Variants in BSN observed in about 807,000 individuals in gnomAD.
BSN encodes the protein bassoon presynaptic cytomatrix protein.
BSN carries 57 observed loss-of-function variants against 264.8 expected under a neutral mutation model. The observed-to-expected ratio is 0.22, with a 90% CI of 0.17 to 0.27. The LOEUF is 0.27. Ranked by LOEUF, BSN falls within the 10% of genes least tolerant of loss-of-function variation. The pLI is 1.00. For synonymous variants in BSN, 2,059 were observed against 2,137.3 expected, an observed-to-expected ratio of 0.96 and a Z score of 1.01; for missense variants, 4,615 against 5,232.5, an observed-to-expected ratio of 0.88 and a Z score of 3.64.
intron 11 of BSN, among the ~76,000 whole-genome samples, chr3:49,666,156 C>T (rs893474150): frequency 5.9e-5 from 9 of 152,252 alleles, no homozygotes; most frequent in South Asian, 2.1e-4. Flanking sequence ...GTGCTTCTCA[C>T]GGTGCACAAG....
rs1255930849 is a variant in BSN, at chr3:49,663,636, C to T, written c.11478C>T (p.Ser3826=). 1.2e-6 allele frequency: 2 copies of T among 1,607,936 alleles called. No individual in the cohort carries two copies. Among genetic ancestry groups the T allele is most frequent in the African/African-American group, 2.7e-5 (2 of 74,970 alleles). ...CAGGGAAGCCTCAGCCAGGCCCCAG[C>T]ACAGCCACAGGTCCTCAACCAGCAG... ...QPAGKPQPGP[S]TATGPQPAGP... The change falls in exon 7 of 12, where the codon AGC becomes AGT. Residue 3826 remains serine, a synonymous_variant. Transcript: ENST00000296452.
rs1188284084 is a variant in BSN, at chr3:49,652,949, C to T, written c.3393C>T (p.Ser1131=). The change falls in exon 5 of 12, where the codon TCC becomes TCT. Residue 1131 remains serine (S), a synonymous_variant. Transcript: ENST00000296452. The part of the protein sequence containing the change: ...SSCSEYSPSP[S]LDSEAEALDG... ...GCTCTGAGTACTCACCCTCACCCTCCCTTGACTCTGAGGCTGAGGCCTTGG... is the reference window on the plus strand; with the variant it reads ...GCTCTGAGTACTCACCCTCACCCTCTCTTGACTCTGAGGCTGAGGCCTTGG... 2 of 1,611,494 alleles carry T rather than the reference C, an allele frequency of 1.2e-6. No homozygotes were observed. Among genetic ancestry groups the T allele is most frequent in the Non-Finnish European group, 8.5e-7 (1 of 1,178,764 alleles).
rs2052583431 is a variant in BSN, at chr3:49,654,947, C to T, written c.5391C>T (p.Ala1797=). The T allele has an allele frequency of 1.2e-6, 2 of 1,611,672 alleles. No homozygotes were observed. The highest frequency in any genetic ancestry group is 2.7e-5 in the African/African-American group (2 of 75,010). Residue 1797 remains alanine (A), a synonymous_variant, in exon 5 of 12, where the codon GCC becomes GCT. Coordinates refer to ENST00000296452, the MANE Select transcript of BSN (RefSeq NM_003458.4). The surrounding 1 kb of genome is among the most constrained non-coding windows in gnomAD (Gnocchi z 4.1). ...RSGPRGRPRE[A]KFARYNLPNQ... Reference sequence around the variant, plus strand: ...GGCCCCGGGGAAGACCCAGGGAGGCCAAGTTTGCCAGATATAACCTACCCA... The same window carrying T: ...GGCCCCGGGGAAGACCCAGGGAGGCTAAGTTTGCCAGATATAACCTACCCA...
chr3:49,592,821 T>C (rs1050264284), intron 1 of BSN, among the ~76,000 whole-genome samples: 3 of 152,146 alleles, frequency 2.0e-5, no homozygotes, highest in African/African-American at 7.2e-5. Context: ...AGTGGTAATG[T>C]TTAGCAAAAT....
At position 49,642,629 on chromosome 3, in the gene BSN, T is replaced by A. The variant is rs964593585; in HGVS notation, c.995T>A (p.Val332Glu). Residue 332 changes from valine (V) to glutamate (E), a missense_variant, in exon 3 of 12, where the codon GTG becomes GAG. Val to Glu is a moderately radical substitution (Grantham distance 121, BLOSUM62 -2). Around this residue, in one of 3 missense-constraint regions of BSN, gnomAD observed 1,197 missense variants for 1,348.0 expected, o/e 0.89. Coordinates refer to ENST00000296452, the MANE Select transcript of BSN (RefSeq NM_003458.4). This position sits in a 1 kb window ranked among gnomAD's most constrained non-coding sequence, Gnocchi z 7.0. The part of the protein sequence containing the change: ...GEAPAKSATA[V>E]PAGLGATEQT... ...GCCCCGGCCAAAAGTGCCACCGCAG[T>A]GCCCGCTGGGCTTGGTGCCACTGAG... 6.2e-7 allele frequency: 1 copy of A among 1,602,488 alleles called. No homozygotes were observed. The highest frequency in any genetic ancestry group is 1.3e-5 in the African/African-American group (1 of 74,672).
chr3:49,662,413 C>T lies in BSN; in HGVS notation c.10568C>T (p.Pro3523Leu). The T allele has an allele frequency of 1.9e-6, 3 of 1,613,558 alleles. No individual in the cohort carries two copies. The highest frequency in any genetic ancestry group is 2.5e-6 in the Non-Finnish European group (3 of 1,180,022). ...CGCCCTGCCGGAGGGCCCCTCCCTC[C>T]CGGCGGGGATACCTGCCCACAGTTC... is the stretch of plus-strand genomic sequence containing the variant. ...RPRPAGGPLP[P>L]GGDTCPQFCS... The change falls in exon 6 of 12, where the codon CCC becomes CTC. Residue 3523 changes from proline to leucine, a missense_variant. Physicochemically the swap from Pro to Leu is moderately conservative, Grantham distance 98. This residue lies in a region of BSN where 3,415 missense variants were observed against 3,866.4 expected (regional missense o/e 0.88). Coordinates refer to ENST00000296452, the MANE Select transcript of BSN (RefSeq NM_003458.4).
intron 3 of BSN, among the ~76,000 whole-genome samples, chr3:49,650,258 CG>C (rs2052530166): frequency 6.6e-6 from 1 of 152,196 alleles, no homozygotes; most frequent in African/African-American, 2.4e-5. Flanking sequence ...CACTAGGAGC[CG>C]TTTGCTCCCT....
At chr3:49,572,006 G>A (rs144954806) in intron 1 of BSN, among the ~76,000 whole-genome samples, 30 of 152,276 alleles carry the variant, frequency 2.0e-4, no homozygotes, top group African/African-American at 6.3e-4. Flanking sequence ...TTTAGCCCCT[G>A]CTGTGTATCA....
At chr3:49,628,367 A>G (rs982392687) in intron 2 of BSN, among the ~76,000 whole-genome samples, 1 of 152,174 alleles carries the variant, frequency 6.6e-6, no homozygotes, top group African/African-American at 2.4e-5. Flanking sequence ...GTTTTTGTGT[A>G]TGATGGCATC....
intron 1 of BSN, among the ~76,000 whole-genome samples, chr3:49,590,129 C>G (rs959631703): frequency 1.3e-5 from 2 of 152,170 alleles, no homozygotes; most frequent in African/African-American, 4.8e-5. Context: ...AACCACCACG[C>G]CCCGCCAAAT....
At position 49,661,248 on chromosome 3, in the gene BSN, C is replaced by A. The variant is rs201622600; in HGVS notation, c.9403C>A (p.Pro3135Thr). The A allele has an allele frequency of 4.1e-4, 663 of 1,613,748 alleles. No individual in the cohort carries two copies. The highest frequency in any genetic ancestry group is 4.6e-4 in the Non-Finnish European group (546 of 1,180,044). The change falls in exon 6 of 12, where the codon CCC becomes ACC. Residue 3135 changes from proline (P) to threonine (T), a missense_variant. This residue lies in a region of BSN where 3,415 missense variants were observed against 3,866.4 expected (regional missense o/e 0.88). Transcript: ENST00000296452. The part of the protein sequence containing the change: ...PTTQSTLFPV[P>T]ADSRAPLQKP... ...CACACAGAGCACCCTTTTTCCAGTCCCCGCTGATAGCCGTGCCCCACTGCA... is the reference window on the plus strand; with the variant it reads ...CACACAGAGCACCCTTTTTCCAGTCACCGCTGATAGCCGTGCCCCACTGCA...
At chr3:49,606,476 T>C (rs1382908652) in intron 1 of BSN, among the ~76,000 whole-genome samples, 2 of 150,548 alleles carry the variant, frequency 1.3e-5, no homozygotes, top group African/African-American at 4.9e-5. Flanking sequence ...CTATTTGTCT[T>C]CTTGATCTTT....
Position 49,663,870 on chromosome 3 carries a change from A to AGGACCT in BSN, c.11600_11605dup (p.Gly3867_Pro3868dup). The AGGACCT allele has an allele frequency of 6.2e-7, 1 of 1,613,954 alleles. No homozygotes were observed. On this transcript the variant is annotated inframe_insertion, in exon 8 of 12. Coordinates refer to ENST00000296452, the MANE Select transcript of BSN (RefSeq NM_003458.4). The stretch of plus-strand genomic sequence containing the variant: ...GGGCTCCTCAGGCCCAGCCAGCACC[A>AGGACCT]GGACCTGGACCTGCAGGTGAGCCTA...
chr3:49,653,574 G>A lies in BSN; in HGVS notation c.4018G>A (p.Val1340Ile). 1 of 1,613,800 alleles carries A rather than the reference G, an allele frequency of 6.2e-7. No individual in the cohort carries two copies. Among genetic ancestry groups the A allele is most frequent in the Non-Finnish European group, 8.5e-7 (1 of 1,179,992 alleles). ...DSSGGRVIPD[V>I]RVTQHFAKET... is the part of the protein sequence containing the mutation. ...CAGCGGGGGCCGAGTTATTCCCGAT[G>A]TCCGTGTCACTCAGCATTTTGCAAA... is the stretch of plus-strand genomic sequence containing the variant. Residue 1340 changes from valine to isoleucine, a missense_variant, in exon 5 of 12, where the codon GTC becomes ATC. Around this residue, in one of 3 missense-constraint regions of BSN, gnomAD observed 3,415 missense variants for 3,866.4 expected, o/e 0.88. Coordinates refer to ENST00000296452, the MANE Select transcript of BSN (RefSeq NM_003458.4). The surrounding 1 kb of genome is among the most constrained non-coding windows in gnomAD (Gnocchi z 6.3).
intron 1 of BSN, among the ~76,000 whole-genome samples, chr3:49,567,191 T>C (rs2051758853): frequency 6.6e-6 from 1 of 152,216 alleles, no homozygotes; most frequent in African/African-American, 2.4e-5. Context: ...TTCCTTCTGG[T>C]TCCCTTTGCC....
At chr3:49,586,030 A>G (rs1272057820) in intron 1 of BSN, among the ~76,000 whole-genome samples, 3 of 151,974 alleles carry the variant, frequency 2.0e-5, no homozygotes, top group African/African-American at 7.3e-5. Context: ...GTTTGTACAT[A>G]TTTTATTCCA....
At chr3:49,603,794 C>T (rs2052090175) in intron 1 of BSN, among the ~76,000 whole-genome samples, 1 of 152,134 alleles carries the variant, frequency 6.6e-6, no homozygotes, top group South Asian at 2.1e-4. Context: ...TAGTTCCAAA[C>T]CATTTTTGCC....
chr3:49,642,084 G>A lies in BSN; in HGVS notation c.634-184G>A, dbSNP rs2052468314. 6.6e-6 allele frequency among the ~76,000 whole-genome samples: 1 copy of A among 152,194 alleles called. No homozygotes were observed. Among genetic ancestry groups the A allele is most frequent in the Non-Finnish European group, 1.5e-5 (1 of 68,034 alleles). On this transcript the variant is annotated intron_variant, in intron 2 of 11. Coordinates refer to ENST00000296452, the MANE Select transcript of BSN (RefSeq NM_003458.4). This position sits in a 1 kb window ranked among gnomAD's most constrained non-coding sequence, Gnocchi z 7.0. ...TGCCTCACATGCCTGGCAACTCCTA[G>A]AGGGCAGGGGAGTGCCATCTGTCCT... is the stretch of plus-strand genomic sequence containing the variant.
chr3:49,570,436 T>A (rs1028098592), intron 1 of BSN, among the ~76,000 whole-genome samples: 3 of 152,198 alleles, frequency 2.0e-5, no homozygotes, highest in African/African-American at 7.2e-5. Context: ...CAAGGGTCCA[T>A]GCTGTCATTG....
Sources: gnomAD v4.1 joint callset for allele counts (sites outside exome capture counted in the v4.1 genomes callset) on GRCh38, gnomAD v4.1.1 for gene constraint, gnomAD v4.1.1 regional missense constraint, Gnocchi (gnomAD v3.1) non-coding constraint, MANE v1.5 for transcripts, NCBI Gene and HGNC (gene_info 2026-07-23, HGNC 2026-07-21) for gene names.